C7: variants seen among roughly 807,000 people sequenced by gnomAD.
C7 encodes the protein complement component C7.
Under a neutral mutation model 104.8 loss-of-function variants are expected in C7, and 83 were observed. The ratio of observed to expected loss-of-function variants is 0.79; its 90% CI spans 0.66 to 0.95. C7 has a LOEUF of 0.95. Among genes scored for constraint, C7 ranks in the 40% least tolerant of loss-of-function variants. The pLI is 0.00. For missense variants in C7, 1,070 were observed against 1,011.2 expected (o/e 1.06, Z -0.79); for synonymous variants, 415 against 360.6 (o/e 1.15, Z -1.71).
At chr5:40,975,943 C>T (rs753429744) in intron 15 of C7, among the ~76,000 whole-genome samples, 22 of 152,148 alleles carry the variant, frequency 1.4e-4, no homozygotes, top group African/African-American at 2.2e-4. Flanking sequence ...AAAGCTATTA[C>T]GAGGTGAAAA....
At chr5:40,917,940 C>T (rs7717794) in intron 1 of C7, among the ~76,000 whole-genome samples, 34,489 of 151,818 alleles carry the variant, frequency 0.23, 4,103 homozygotes, top group East Asian at 0.32. Context: ...AACTGTTTGA[C>T]GGGAGAGTAA....
intron 1 of C7, chr5:40,911,243 G>C (rs562000085): frequency 6.6e-6 from 1 of 152,186 alleles, no homozygotes; most frequent in Non-Finnish European, 1.5e-5. Flanking sequence ...TGACAAAGAA[G>C]GGACACTTGT....
intron 6 of C7, among the ~76,000 whole-genome samples, chr5:40,944,989 T>C (rs1012130065): frequency 6.6e-6 from 1 of 152,200 alleles, no homozygotes; most frequent in Non-Finnish European, 1.5e-5. Flanking sequence ...GGATTGCCAT[T>C]GTTGGTACCA....
rs1354599706 is a variant in C7, at chr5:40,972,602, G to A, written c.2074+8G>A. The A allele has an allele frequency of 6.3e-7, 1 of 1,580,840 alleles. No homozygotes were observed. Among genetic ancestry groups the A allele is most frequent in the South Asian group, 1.2e-5 (1 of 83,944 alleles). ...CCCGCTGTGTACAAAAAGGTGAGTG[G>A]CTTCCATGTCTATCCAAGGACACTT... On this transcript the variant is annotated splice_region_variant and intron_variant, in intron 15 of 17. Transcript: ENST00000313164.
intron 7 of C7, among the ~76,000 whole-genome samples, chr5:40,947,280 A>G (rs1740069729): frequency 6.6e-6 from 1 of 151,268 alleles, no homozygotes; most frequent in African/African-American, 2.4e-5. Context: ...TTGTATTTTT[A>G]GTAGAGACAG....
At position 40,958,129 on chromosome 5, in the gene C7, G is replaced by T; in HGVS notation, c.1357G>T (p.Asp453Tyr). The change falls in exon 11 of 18, where the codon GAC becomes TAC. Residue 453 changes from aspartate (D) to tyrosine (Y), a missense_variant. Asp to Tyr is a radical substitution (Grantham distance 160, BLOSUM62 -3). Coordinates refer to ENST00000313164, the MANE Select transcript of C7 (RefSeq NM_000587.4). ...TCTTGAAGAGTATCTGGATGAATTT[G>T]ACCCCTGTCATTGCCGGCCTTGTCA... ...WALEEYLDEF[D>Y]PCHCRPCQNG... 2.5e-6 allele frequency: 4 copies of T among 1,613,822 alleles called. No homozygotes were observed. The highest frequency in any genetic ancestry group is 3.4e-6 in the Non-Finnish European group (4 of 1,179,788).
Position 40,955,558 on chromosome 5 carries a change from G to A in C7, c.1260+5G>A, listed in dbSNP as rs1362266140. On this transcript the variant is annotated splice_donor_5th_base_variant and intron_variant, in intron 10 of 17. Transcript: ENST00000313164. ...CCTCAAGTCATAAAACAAAAGGTAT[G>A]TCAGGCTTTGTTTAAAGCAATAGGA... is the stretch of plus-strand genomic sequence containing the variant. 6.2e-7 allele frequency: 1 copy of A among 1,608,904 alleles called. No individual in the cohort carries two copies. Among genetic ancestry groups the A allele is most frequent in the Non-Finnish European group, 8.5e-7 (1 of 1,177,712 alleles).
At chr5:40,967,340 A>G (rs1740579154) in intron 14 of C7, among the ~76,000 whole-genome samples, 1 of 152,216 alleles carries the variant, frequency 6.6e-6, no homozygotes, top group African/African-American at 2.4e-5. Context: ...TTGAGATTAC[A>G]GGCATGAGCC....
intron 14 of C7, among the ~76,000 whole-genome samples, chr5:40,969,731 A>G (rs1231464623): frequency 6.6e-6 from 1 of 151,438 alleles, no homozygotes; most frequent in Non-Finnish European, 1.5e-5. Context: ...CCTCTGAGCT[A>G]TGGTTTTCTC....
intron 17 of C7, 50 bp downstream of exon 17, chr5:40,979,959 C>T (rs747258291): frequency 4.1e-6 from 6 of 1,451,890 alleles, no homozygotes; most frequent in Admixed American, 4.8e-5. Flanking sequence ...AGTCACAGTA[C>T]TGAGGATTTA....
At chr5:40,915,221 C>T (rs190174547) in intron 1 of C7, among the ~76,000 whole-genome samples, 54 of 152,296 alleles carry the variant, frequency 3.5e-4, no homozygotes, top group African/African-American at 1.1e-3. Context: ...CATCACCAGA[C>T]TCCAACTGGA....
At position 40,918,686 on chromosome 5, in the gene C7, G is replaced by T. The variant is rs139257859; in HGVS notation, c.6+9070G>T. ...CAAAATAGACTTAAAGTCAAAAACTGTAAAAAAAAAAAGTAAGGACATTAT... is the reference window on the plus strand; with the variant it reads ...CAAAATAGACTTAAAGTCAAAAACTTTAAAAAAAAAAAGTAAGGACATTAT... On this transcript the variant is annotated intron_variant, in intron 1 of 17. Coordinates refer to ENST00000313164, the MANE Select transcript of C7 (RefSeq NM_000587.4). Among the ~76,000 whole-genome samples the T allele has an allele frequency of 7.1e-5, 9 of 126,800 alleles. No individual in the cohort carries two copies. The East Asian group carries it at 1.9e-3, about 27-fold the overall frequency. The allele number at this position is 126,800 out of a possible 152,430, so 83.2% of individuals were successfully genotyped here.
At position 40,912,099 on chromosome 5, in the gene C7, T is replaced by C. The variant is rs1320007401; in HGVS notation, c.6+2483T>C. Among the ~76,000 whole-genome samples, 4 of 152,326 alleles carry C rather than the reference T, an allele frequency of 2.6e-5. No homozygotes were observed. The East Asian group carries it at 7.7e-4, about 29-fold the overall frequency. ...CTTTTATAGAGTCAGTTCAGATGTATGTCTATCACTGTCATTCACATGATT... is the reference window on the plus strand; with the variant it reads ...CTTTTATAGAGTCAGTTCAGATGTACGTCTATCACTGTCATTCACATGATT... On this transcript the variant is annotated intron_variant, in intron 1 of 17. Coordinates refer to ENST00000313164, the MANE Select transcript of C7 (RefSeq NM_000587.4).
At chr5:40,946,691 AT>A (rs1318993411) in intron 7 of C7, among the ~76,000 whole-genome samples, 1 of 152,156 alleles carries the variant, frequency 6.6e-6, no homozygotes, top group Non-Finnish European at 1.5e-5. Context: ...ATATACTTAT[AT>A]TTATCAGTTG....
At position 40,983,911 on chromosome 5, in the gene C7, G is replaced by A. The variant is rs1366465274; in HGVS notation, c.*2338G>A. On this transcript the variant is annotated 3_prime_UTR_variant, in exon 18 of 18. Coordinates refer to ENST00000313164, the MANE Select transcript of C7 (RefSeq NM_000587.4). ...CCTTGGAGGAGGCAGAGGGCAGAAA[G>A]CATTGCTGAGATTAGAGTCATTTGG... 6.6e-6 allele frequency among the ~76,000 whole-genome samples: 1 copy of A among 152,156 alleles called. No homozygotes were observed. Among genetic ancestry groups the A allele is most frequent in the Non-Finnish European group, 1.5e-5 (1 of 68,026 alleles).
intron 1 of C7, among the ~76,000 whole-genome samples, chr5:40,910,491 G>C (rs1431715919): frequency 6.6e-6 from 1 of 151,970 alleles, no homozygotes; most frequent in African/African-American, 2.4e-5. Flanking sequence ...AGCAAGATAT[G>C]GATCTTGATT....
intron 6 of C7, among the ~76,000 whole-genome samples, chr5:40,944,499 T>C (rs1439982541): frequency 6.6e-6 from 1 of 152,220 alleles, no homozygotes; most frequent in Non-Finnish European, 1.5e-5. Context: ...ACTGGAGGTT[T>C]CCAACATTGA....
At chr5:40,970,279 C>A (rs1046241945) in intron 14 of C7, among the ~76,000 whole-genome samples, 2 of 152,020 alleles carry the variant, frequency 1.3e-5, no homozygotes, top group African/African-American at 2.4e-5. Context: ...AAAGATACAG[C>A]AATACTTTGT....
Position 40,949,360 on chromosome 5 carries a change from CAAAA to C in C7, c.983-534_983-531del, listed in dbSNP as rs397697540. The stretch of plus-strand genomic sequence containing the variant: ...ATCCTACTTTCAAAAAATGCATTGG[CAAAA>C]AAAAAAAAACACAAAAAACTCCCCT... On this transcript the variant is annotated intron_variant, in intron 8 of 17. Transcript: ENST00000313164. Among the ~76,000 whole-genome samples the C allele has an allele frequency of 7.0e-5, 9 of 127,828 alleles. No individual in the cohort carries two copies. The South Asian group carries it at 2.1e-3, about 29-fold the overall frequency. 83.9% of individuals were successfully genotyped at this position (127,828 alleles called of 152,430 possible).
Sources: gnomAD v4.1 joint callset for allele counts (sites outside exome capture counted in the v4.1 genomes callset) on GRCh38, gnomAD v4.1.1 for gene constraint, MANE v1.5 for transcripts, NCBI Gene and HGNC (gene_info 2026-07-23, HGNC 2026-07-21) for gene names.